Variants in STRN observed in about 807,000 individuals in gnomAD.
STRN encodes the protein protein phosphatase 2 regulatory subunit B'''alpha.
STRN carries 53 observed loss-of-function variants against 96.3 expected under a neutral mutation model. That is an observed-to-expected ratio of 0.55 (90% CI 0.44 to 0.69). The LOEUF is 0.69. STRN is among the 30% of genes least tolerant of loss of function. The probability of loss-of-function intolerance (pLI) is 0.00; values close to 1 mark genes in which losing one functional copy is unlikely to be tolerated. For synonymous variants in STRN, 428 were observed against 355.9 expected, an observed-to-expected ratio of 1.20 and a Z score of -2.28; for missense variants, 987 against 963.9, an observed-to-expected ratio of 1.02 and a Z score of -0.32.
intron 1 of STRN, among the ~76,000 whole-genome samples, chr2:36,925,696 C>T (rs989823132): frequency 3.3e-5 from 5 of 152,048 alleles, no homozygotes; most frequent in African/African-American, 9.7e-5. Flanking sequence ...TTGCTTGAAC[C>T]CAGGAGGCAG....
At chr2:36,940,764 G>A (rs1186956898) in intron 1 of STRN, among the ~76,000 whole-genome samples, 3 of 146,160 alleles carry the variant, frequency 2.1e-5, no homozygotes, top group African/African-American at 5.1e-5. Context: ...GTGAACCCGC[G>A]AAGCAGAGCT....
rs1667939210 is a variant in STRN, at chr2:36,841,073, G to A, written c.*8383C>T. 6.6e-6 allele frequency: 1 copy of A among 151,880 alleles called. No individual in the cohort carries two copies. The highest frequency in any genetic ancestry group is 2.4e-5 in the African/African-American group (1 of 41,352). The allele number at this position is 151,880 out of a possible 1,614,324, so 9.4% of individuals were successfully genotyped here. On this transcript the variant is annotated 3_prime_UTR_variant, in exon 18 of 18. Transcript: ENST00000263918. ...AAAATTTCTACCTCCAGAAAGCAAT[G>A]ATGTTTCTAAAGATTCTCTTATTTT...
At chr2:36,927,400 T>C (rs1355331611) in intron 1 of STRN, among the ~76,000 whole-genome samples, 1 of 151,616 alleles carries the variant, frequency 6.6e-6, no homozygotes, top group African/African-American at 2.4e-5. Context: ...TCCCAGCTAC[T>C]TGGGAGGCTG....
chr2:36,899,568 A>G lies in STRN; in HGVS notation c.750T>C (p.Asp250=), dbSNP rs147345914. Residue 250 remains aspartate, a synonymous_variant, in exon 6 of 18, where the codon GAT becomes GAC. Coordinates refer to ENST00000263918, the MANE Select transcript of STRN (RefSeq NM_003162.4). The part of the protein sequence containing the change: ...AAADFSDEDE[D]DDVDGREKSV... ...TTTTCTCTCTTCCATCAACATCATC[A>G]TCTTCATCTTCATCACTGAAATCTG... The G allele has an allele frequency of 1.5e-5, 25 of 1,613,506 alleles. No individual in the cohort carries two copies. The highest frequency in any genetic ancestry group is 2.0e-5 in the Non-Finnish European group (24 of 1,179,904).
At chr2:36,933,271 T>A (rs1187437776) in intron 1 of STRN, among the ~76,000 whole-genome samples, 1 of 152,198 alleles carries the variant, frequency 6.6e-6, no homozygotes, top group Non-Finnish European at 1.5e-5. Flanking sequence ...TGGGAGGGTG[T>A]GCATAGTTTA....
intron 3 of STRN, among the ~76,000 whole-genome samples, chr2:36,911,162 GTT>G (rs566500295): frequency 7.2e-5 from 11 of 152,212 alleles, no homozygotes; most frequent in Non-Finnish European, 1.6e-4. Context: ...TGGCTCACAT[GTT>G]TCTGCCACCA....
In STRN at chr2:36,844,459, C is replaced by G. The variant is rs1368699682; in HGVS notation, c.*4997G>C. 3 of 152,138 alleles carry G rather than the reference C, an allele frequency of 2.0e-5. No individual in the cohort carries two copies. Among genetic ancestry groups the G allele is most frequent in the African/African-American group, 7.2e-5 (3 of 41,432 alleles). The allele number at this position is 152,138 out of a possible 1,614,324, so 9.4% of individuals were successfully genotyped here. A position where few individuals can be genotyped will look rare whatever the true frequency, so the allele number is the denominator to read the frequency against. On this transcript the variant is annotated 3_prime_UTR_variant, in exon 18 of 18. Transcript: ENST00000263918. ...CATTAACAAGGCACTCACTGGTTCA[C>G]AGCCTGTTAAAAACCCAGGCAGACA...
rs140018420 is a variant in STRN, at chr2:36,913,889, G to A, written c.412+2189C>T. Among the ~76,000 whole-genome samples, 22 of 152,252 alleles carry A rather than the reference G, an allele frequency of 1.4e-4. No homozygotes were observed. In the East Asian group the frequency reaches 2.3e-3, roughly 16 times the overall value. ...CCATAGAGAAATTAAGTAGGATCACGGAAATTTAAAATGTTGGGGCAGAGT... is the reference window on the plus strand; with the variant it reads ...CCATAGAGAAATTAAGTAGGATCACAGAAATTTAAAATGTTGGGGCAGAGT... On this transcript the variant is annotated intron_variant, in intron 3 of 17. Transcript: ENST00000263918.
rs2148174200 is a variant in STRN at position 36,884,020 on chromosome 2, T to C, written c.1098A>G (p.Glu366=). ...DMLANLRDVD[E]LPSLQPSVGS... ...CCACAGATGGCTGCAATGAAGGAAGTTCATCAACATCTCTCAAATTAGCAA... is the reference window on the plus strand; with the variant it reads ...CCACAGATGGCTGCAATGAAGGAAGCTCATCAACATCTCTCAAATTAGCAA... The change falls in exon 9 of 18, where the codon GAA becomes GAG. Residue 366 remains glutamate, a synonymous_variant. Coordinates refer to ENST00000263918, the MANE Select transcript of STRN (RefSeq NM_003162.4). 1.4e-6 allele frequency: 2 copies of C among 1,440,890 alleles called. No individual in the cohort carries two copies. Among genetic ancestry groups the C allele is most frequent in the East Asian group, 2.6e-5 (1 of 38,044 alleles). 89.3% of individuals were successfully genotyped at this position (1,440,890 alleles called of 1,614,324 possible). A position where few individuals can be genotyped will look rare whatever the true frequency, so the allele number is the denominator to read the frequency against.
At chr2:36,893,506 T>C (rs963642678) in intron 7 of STRN, among the ~76,000 whole-genome samples, 1 of 152,200 alleles carries the variant, frequency 6.6e-6, no homozygotes, top group Non-Finnish European at 1.5e-5. Context: ...AATGACTGAC[T>C]ACAATTTTTT....
intron 7 of STRN, among the ~76,000 whole-genome samples, chr2:36,890,762 G>C (rs1669375677): frequency 6.6e-6 from 1 of 152,150 alleles, no homozygotes; most frequent in Non-Finnish European, 1.5e-5. Flanking sequence ...GGGATTACAG[G>C]CGTGAGCCAC....
At chr2:36,899,348 T>C (rs1231672636) in intron 6 of STRN, among the ~76,000 whole-genome samples, 175 bp downstream of exon 6, 4 of 152,334 alleles carry the variant, frequency 2.6e-5, no homozygotes, top group South Asian at 4.1e-4. Flanking sequence ...AAAGCTACTA[T>C]ATTAAAAATA....
intron 1 of STRN, among the ~76,000 whole-genome samples, chr2:36,932,620 G>C (rs13020320): frequency 6.6e-6 from 1 of 152,100 alleles, no homozygotes; most frequent in South Asian, 2.1e-4. Flanking sequence ...ATGTTTTTTA[G>C]AGATGAGGGT....
At chr2:36,949,867 T>C (rs1007882494) in intron 1 of STRN, among the ~76,000 whole-genome samples, 6 of 152,146 alleles carry the variant, frequency 3.9e-5, no homozygotes. Context: ...TTAGAGATAA[T>C]TTTGTAAATC....
chr2:36,963,073 G>A (rs887142868), intron 1 of STRN, among the ~76,000 whole-genome samples: 1 of 152,100 alleles, frequency 6.6e-6, no homozygotes, highest in African/African-American at 2.4e-5. Context: ...GTGAGGAGGG[G>A]AGCATTACCA....
chr2:36,879,977 A>AG (rs1252885730), intron 9 of STRN, among the ~76,000 whole-genome samples: 1 of 151,826 alleles, frequency 6.6e-6, no homozygotes, highest in African/African-American at 2.4e-5. Flanking sequence ...AAAAAAAAAA[A>AG]AAAATCTGAG....
rs1185873554 is a variant in STRN, at chr2:36,848,340, A to G, written c.*1116T>C. ...TAATAGAGGACTTCTAGGGTACAAA[A>G]TATTTGTTTTTATTAGTGCTTCTGC... On this transcript the variant is annotated 3_prime_UTR_variant, in exon 18 of 18. Coordinates refer to ENST00000263918, the MANE Select transcript of STRN (RefSeq NM_003162.4). 6.6e-6 allele frequency: 1 copy of G among 152,188 alleles called. No individual in the cohort carries two copies. Among genetic ancestry groups the G allele is most frequent in the Non-Finnish European group, 1.5e-5 (1 of 68,034 alleles). 9.4% of individuals were successfully genotyped at this position (152,188 alleles called of 1,614,324 possible).
At chr2:36,913,628 TA>T (rs2148215325) in intron 3 of STRN, among the ~76,000 whole-genome samples, 1 of 152,310 alleles carries the variant, frequency 6.6e-6, no homozygotes, top group Admixed American at 6.5e-5. Context: ...ATCTTCCCTA[TA>T]AAAATCCAAC....
chr2:36,928,615 G>A (rs1405283877), intron 1 of STRN, among the ~76,000 whole-genome samples: 6 of 149,486 alleles, frequency 4.0e-5, no homozygotes, highest in Non-Finnish European at 8.9e-5. Context: ...TCACACCACT[G>A]CACTCCAGCC....
Sources: gnomAD v4.1 joint callset for allele counts (sites outside exome capture counted in the v4.1 genomes callset) on GRCh38, gnomAD v4.1.1 for gene constraint, MANE v1.5 for transcripts, NCBI Gene and HGNC (gene_info 2026-07-23, HGNC 2026-07-21) for gene names.